Variants in SLCO4C1 observed in about 807,000 individuals in gnomAD.
The protein encoded by SLCO4C1 is organic anion transporter M1.
Under a neutral mutation model 72.1 loss-of-function variants are expected in SLCO4C1, and 58 were observed. The observed-to-expected ratio is 0.80, with a 90% CI of 0.65 to 1.00. The LOEUF is 1.00. SLCO4C1 is among the 50% of genes least tolerant of loss of function. The pLI is 0.00. For synonymous variants in SLCO4C1, 297 were observed against 312.5 expected (o/e 0.95, Z 0.52); for missense variants, 898 against 857.9 (o/e 1.05, Z -0.58).
intron 1 of SLCO4C1, among the ~76,000 whole-genome samples, chr5:102,294,977 A>C (rs1359901497): frequency 6.6e-6 from 1 of 152,206 alleles, no homozygotes; most frequent in African/African-American, 2.4e-5. Context: ...TCAAGTGACC[A>C]AAAAATATCT....
rs557394068 is a variant in SLCO4C1, at chr5:102,293,889, C to G, written c.355+2019G>C. 2.0e-5 allele frequency among the ~76,000 whole-genome samples: 3 copies of G among 152,096 alleles called. No individual in the cohort carries two copies. The East Asian group carries it at 5.8e-4, about 30-fold the overall frequency. On this transcript the variant is annotated intron_variant, in intron 1 of 12. Transcript: ENST00000310954. Reference sequence around the variant, plus strand: ...AGCTGGGACTACAGGCGTGTGCCACCGCACCCGGCTAATTTTTGTGGTGTT... The same window carrying G: ...AGCTGGGACTACAGGCGTGTGCCACGGCACCCGGCTAATTTTTGTGGTGTT...
In SLCO4C1 at chr5:102,291,565, C is replaced by G. The variant is rs1243675985; in HGVS notation, c.397G>C (p.Val133Leu). Residue 133 changes from valine to leucine, a missense_variant, in exon 2 of 13, where the codon GTT (valine) becomes CTT (leucine). Coordinates refer to ENST00000310954, the MANE Select transcript of SLCO4C1 (RefSeq NM_180991.5). ...CTCTTCATTTCATAACGCTTCTCAA[C>G]AGTGGAAATGCTAATATTTACTAGG... ...NGLVNISIST[V>L]EKRYEMKSSL... The G allele has an allele frequency of 1.2e-6, 2 of 1,613,812 alleles. No individual in the cohort carries two copies. Among genetic ancestry groups the G allele is most frequent in the Admixed American group, 1.7e-5 (1 of 60,000 alleles).
chr5:102,280,362 A>G (rs1176914029), intron 2 of SLCO4C1, among the ~76,000 whole-genome samples: 2 of 152,026 alleles, frequency 1.3e-5, no homozygotes, highest in Non-Finnish European at 2.9e-5. Flanking sequence ...ATCATTCAAA[A>G]AAAAGCAAAA....
chr5:102,269,417 G>C (rs1749107444), intron 3 of SLCO4C1, among the ~76,000 whole-genome samples: 1 of 151,834 alleles, frequency 6.6e-6, no homozygotes, highest in Non-Finnish European at 1.5e-5. Flanking sequence ...GCTCTTCGTG[G>C]TCAGAAATTC....
chr5:102,258,265 G>C (rs1251398951), intron 6 of SLCO4C1, among the ~76,000 whole-genome samples, 178 bp from the exon 7 acceptor site: 2 of 152,060 alleles, frequency 1.3e-5, no homozygotes, highest in African/African-American at 4.8e-5. Flanking sequence ...TACATGATGA[G>C]AAAATTTATA....
intron 3 of SLCO4C1, among the ~76,000 whole-genome samples, chr5:102,266,815 T>C (rs975444932): frequency 6.6e-6 from 1 of 152,182 alleles, no homozygotes; most frequent in Non-Finnish European, 1.5e-5. Flanking sequence ...TATACCTAAT[T>C]TCTTAAAAGT....
chr5:102,295,267 A>G (rs536743578), intron 1 of SLCO4C1, among the ~76,000 whole-genome samples: 13 of 152,242 alleles, frequency 8.5e-5, no homozygotes, highest in Non-Finnish European at 1.5e-4. Context: ...AGATCCTAGA[A>G]CAAAACAGAT....
chr5:102,255,144 T>C (rs1339794547), intron 8 of SLCO4C1, among the ~76,000 whole-genome samples: 1 of 149,462 alleles, frequency 6.7e-6, no homozygotes, highest in Non-Finnish European at 1.5e-5. Context: ...GTGATATTTA[T>C]GTGTATTCAC....
intron 3 of SLCO4C1, among the ~76,000 whole-genome samples, chr5:102,267,160 C>G (rs1461393377): frequency 3.9e-5 from 6 of 152,120 alleles, no homozygotes; most frequent in African/African-American, 1.4e-4. Context: ...GAAGAATTCT[C>G]TCCTCTTCAA....
At chr5:102,248,460 T>C (rs1748676627) in intron 9 of SLCO4C1, among the ~76,000 whole-genome samples, 1 of 152,120 alleles carries the variant, frequency 6.6e-6, no homozygotes, top group Admixed American at 6.6e-5. Context: ...AATATAAATA[T>C]TAAATTAACC....
intron 2 of SLCO4C1, among the ~76,000 whole-genome samples, chr5:102,274,803 A>T (rs1450128515): frequency 1.3e-5 from 2 of 151,764 alleles, no homozygotes; most frequent in Non-Finnish European, 2.9e-5. Context: ...CCTCAGCCTC[A>T]CTCCTCATCT....
At position 102,235,935 on chromosome 5, in the gene SLCO4C1, C is replaced by T. The variant is rs546363397; in HGVS notation, c.*923G>A. ...TAAACAATAATAATAGATGACTACACTATGCAAGGCACTGTCTTAGGTGCT... is the reference window on the plus strand; with the variant it reads ...TAAACAATAATAATAGATGACTACATTATGCAAGGCACTGTCTTAGGTGCT... On this transcript the variant is annotated 3_prime_UTR_variant, in exon 13 of 13. Transcript: ENST00000310954. The T allele has an allele frequency of 6.6e-6, 1 of 152,282 alleles. No individual in the cohort carries two copies. The highest frequency in any genetic ancestry group is 2.1e-4 in the South Asian group (1 of 4,828). 9.4% of individuals were successfully genotyped at this position (152,282 alleles called of 1,614,324 possible). A position where few individuals can be genotyped will look rare whatever the true frequency, so the allele number is the denominator to read the frequency against.
chr5:102,284,290 C>T (rs1749408989), intron 2 of SLCO4C1, among the ~76,000 whole-genome samples: 1 of 152,124 alleles, frequency 6.6e-6, no homozygotes. Flanking sequence ...CATCAAAGGA[C>T]TCCATTCATT....
intron 3 of SLCO4C1, among the ~76,000 whole-genome samples, chr5:102,268,893 C>T (rs1489167543): frequency 1.3e-5 from 2 of 152,016 alleles, no homozygotes; most frequent in Non-Finnish European, 2.9e-5. Context: ...CTTTATTTCA[C>T]CTTTATTTCT....
chr5:102,274,264 G>A (rs1749206111), intron 2 of SLCO4C1, among the ~76,000 whole-genome samples: 1 of 151,992 alleles, frequency 6.6e-6, no homozygotes, highest in Admixed American at 6.6e-5. Flanking sequence ...CACCACAAGT[G>A]GAAGCTCCTA....
chr5:102,254,654 C>T (rs1453786675), intron 8 of SLCO4C1, among the ~76,000 whole-genome samples: 1 of 152,160 alleles, frequency 6.6e-6, no homozygotes, highest in African/African-American at 2.4e-5. Context: ...AAAAAAATTA[C>T]AACTTGCTGA....
chr5:102,277,008 TGA>T (rs1749259182), intron 2 of SLCO4C1, among the ~76,000 whole-genome samples: 1 of 152,092 alleles, frequency 6.6e-6, no homozygotes, highest in Non-Finnish European at 1.5e-5. Context: ...AACATAGTGG[TGA>T]GTTTCCTGGG....
At chr5:102,291,284 T>A in intron 2 of SLCO4C1, 59 bp downstream of exon 2, 7 of 1,537,130 alleles carry the variant, frequency 4.6e-6, no homozygotes, top group Non-Finnish European at 6.2e-6. Flanking sequence ...ATAAAGTTAA[T>A]GACCTAGTTT....
rs141977407 is a variant in SLCO4C1, at chr5:102,258,668, C to T, written c.1129-581G>A. On this transcript the variant is annotated intron_variant, in intron 6 of 12. Transcript: ENST00000310954. ...AGTATGGAGGTTAATTGTGTTAATA[C>T]ATTTAACCACAAAATGAAAACCAAA... Among the ~76,000 whole-genome samples the T allele has an allele frequency of 5.7e-3, 874 of 152,074 alleles. 3 individuals carry two copies. Among genetic ancestry groups the T allele is most frequent in the Non-Finnish European group, 0.01 (708 of 67,976 alleles).
Sources: gnomAD v4.1 joint callset for allele counts (sites outside exome capture counted in the v4.1 genomes callset) on GRCh38, gnomAD v4.1.1 for gene constraint, MANE v1.5 for transcripts, NCBI Gene and HGNC (gene_info 2026-07-23, HGNC 2026-07-21) for gene names.